IL16: variants seen among roughly 807,000 people sequenced by gnomAD.
IL16 encodes the protein pro-interleukin-16.
In IL16, 67 loss-of-function variants were observed where a neutral mutation model predicts 110.1. The observed-to-expected ratio is 0.61, with a 90% CI of 0.50 to 0.75. IL16 has a LOEUF of 0.75. Among genes scored for constraint, IL16 ranks in the 30% least tolerant of loss-of-function variants. IL16 has a pLI of 0.00. For synonymous variants in IL16, 689 were observed against 662.9 expected (o/e 1.04, Z -0.61); for missense variants, 1,545 against 1,655.0 (o/e 0.93, Z 1.15).
intron 12 of IL16, among the ~76,000 whole-genome samples, chr15:81,293,728 C>T (rs1045497211): frequency 2.0e-5 from 3 of 152,250 alleles, no homozygotes; most frequent in Non-Finnish European, 2.9e-5. Flanking sequence ...TTGCCATGAT[C>T]TTTCCCCATC....
chr15:81,295,321 A>G (rs1010702778), intron 12 of IL16: 15 of 1,111,974 alleles, frequency 1.3e-5, no homozygotes, highest in Admixed American at 4.3e-5. Flanking sequence ...GTAAAATCAA[A>G]TTTATTTCAG....
At chr15:81,308,131 G>A (rs1331221572) in intron 18 of IL16, among the ~76,000 whole-genome samples, 1 of 152,200 alleles carries the variant, frequency 6.6e-6, no homozygotes, top group Non-Finnish European at 1.5e-5. Context: ...AGGACTTCGT[G>A]CCAGAGGCAA....
intron 2 of IL16, 59 bp downstream of exon 2, chr15:81,225,770 TA>T (rs1302171703): frequency 3.7e-6 from 5 of 1,357,234 alleles, no homozygotes; most frequent in Admixed American, 5.3e-5. Context: ...TGCTGTGAAT[TA>T]AAGTCTTTGA....
intron 1 of IL16, among the ~76,000 whole-genome samples, chr15:81,202,734 T>C (rs909767180): frequency 2.0e-5 from 3 of 152,230 alleles, no homozygotes; most frequent in African/African-American, 7.2e-5. Context: ...TTGTTGGACA[T>C]TTAGGTTGGT....
chr15:81,198,544 G>T (rs1895682688), intron 1 of IL16, among the ~76,000 whole-genome samples: 2 of 152,036 alleles, frequency 1.3e-5, no homozygotes, highest in South Asian at 4.1e-4. Flanking sequence ...TTGTATTCAT[G>T]GAAACCTTTT....
Position 81,279,634 on chromosome 15 carries a change from C to CT in IL16, c.942dup (p.Pro315SerfsTer96). The CT allele has an allele frequency of 6.2e-7, 1 of 1,614,252 alleles. No homozygotes were observed. Among genetic ancestry groups the CT allele is most frequent in the African/African-American group, 1.3e-5 (1 of 75,078 alleles). The stretch of plus-strand genomic sequence containing the variant: ...CCTCCTTCCCTGTGCAGCCACCTGT[C>CT]TCCCCCACTGTGCCGCTCCCTGAGC... On this transcript the variant is annotated frameshift_variant, in exon 8 of 19. Coordinates refer to ENST00000683961, the MANE Select transcript of IL16 (RefSeq NM_172217.5). LOFTEE classifies it high-confidence loss of function.
chr15:81,271,034 C>A (rs1033781377), intron 5 of IL16, among the ~76,000 whole-genome samples: 1 of 152,066 alleles, frequency 6.6e-6, no homozygotes, highest in African/African-American at 2.4e-5. Context: ...AAAAGCAAAT[C>A]ACACAATAAA....
upstream of IL16, among the ~76,000 whole-genome samples, chr15:81,196,526 C>T (rs990676901): frequency 6.6e-6 from 1 of 152,198 alleles, no homozygotes; most frequent in South Asian, 2.1e-4. Flanking sequence ...ATTATAGGCA[C>T]GTGCCACAGC....
intron 11 of IL16, chr15:81,291,965 G>A (rs913633151): frequency 2.2e-6 from 1 of 456,104 alleles, no homozygotes; most frequent in East Asian, 6.9e-5. Context: ...CTGACTCTGA[G>A]ATGGAGTTTG....
chr15:81,292,569 G>A lies in IL16; in HGVS notation c.1434G>A (p.Leu478=). 3 of 1,605,912 alleles carry A rather than the reference G, an allele frequency of 1.9e-6. No individual in the cohort carries two copies. The highest frequency in any genetic ancestry group is 2.6e-6 in the Non-Finnish European group (3 of 1,173,496). Residue 478 remains leucine, a synonymous_variant, in exon 12 of 19, where the codon CTG becomes CTA. Coordinates refer to ENST00000683961, the MANE Select transcript of IL16 (RefSeq NM_172217.5). ...HQWSLEGVKR[L]ESSWHGRPTL... ...CTTCCCACACAGGTGTCAAAAGGCT[G>A]GAAAGCAGTTGGCACGGGCGGCCCA...
chr15:81,185,742 C>G (rs1402864145), intron 1 of IL16, among the ~76,000 whole-genome samples: 3 of 152,178 alleles, frequency 2.0e-5, no homozygotes, highest in Non-Finnish European at 4.4e-5. Flanking sequence ...GAGGCTGTAA[C>G]AGGGAACTGG....
rs145962380 is a variant in IL16, at chr15:81,218,178, G to T, written c.-101-7121G>T. On this transcript the variant is annotated intron_variant, in intron 1 of 18. Transcript: ENST00000683961. ...TGAGATCTGCAAGTTTGCAAGTTAT[G>T]AAGTAAATATACAAAAGTCACTTAT... is the stretch of plus-strand genomic sequence containing the variant. 1.1e-3 allele frequency among the ~76,000 whole-genome samples: 174 copies of T among 152,114 alleles called. 1 individual carries two copies. The highest frequency in any genetic ancestry group is 4.0e-3 in the African/African-American group (168 of 41,522).
At chr15:81,276,214 C>T (rs867194150) in intron 6 of IL16, among the ~76,000 whole-genome samples, 1 of 152,192 alleles carries the variant, frequency 6.6e-6, no homozygotes. Context: ...ACCTAACAGA[C>T]GGAACTGATC....
At chr15:81,264,677 A>G (rs2142210671) in intron 3 of IL16, among the ~76,000 whole-genome samples, 1 of 152,286 alleles carries the variant, frequency 6.6e-6, no homozygotes, top group African/African-American at 2.4e-5. Flanking sequence ...TCTAGAACGG[A>G]ACTGCCCAAC....
chr15:81,291,897 T>C, intron 11 of IL16: 1 of 456,084 alleles, frequency 2.2e-6, no homozygotes, highest in South Asian at 1.5e-5. Context: ...CCCCAGTGAC[T>C]TTAAAATTAT....
intron 2 of IL16, among the ~76,000 whole-genome samples, chr15:81,254,383 G>T (rs755379784): frequency 1.3e-5 from 2 of 152,182 alleles, no homozygotes; most frequent in African/African-American, 4.8e-5. Flanking sequence ...TCCATTCCTT[G>T]GTTGCATGAG....
Position 81,236,279 on chromosome 15 carries a change from A to C in IL16, c.312+10568A>C, listed in dbSNP as rs758242567. On this transcript the variant is annotated intron_variant, in intron 2 of 18. Transcript: ENST00000683961. The stretch of plus-strand genomic sequence containing the variant: ...GCTTTGGGGCCTGGGCCTTCTTGGC[A>C]AGTGGGAAACCCAATCTTTTGGCTG... Among the ~76,000 whole-genome samples the C allele has an allele frequency of 5.0e-4, 76 of 152,318 alleles. 1 individual carries two copies. The highest frequency in any genetic ancestry group is 6.5e-4 in the Admixed American group (10 of 15,306).
At position 81,311,980 on chromosome 15, in the gene IL16, G is replaced by GT. The variant is rs1900881336; in HGVS notation, c.*3183dup. 3.3e-5 allele frequency: 5 copies of GT among 152,246 alleles called. No individual in the cohort carries two copies. Among genetic ancestry groups the GT allele is most frequent in the Admixed American group, 2.6e-4 (4 of 15,282 alleles). 9.4% of individuals were successfully genotyped at this position (152,246 alleles called of 1,614,324 possible). On this transcript the variant is annotated 3_prime_UTR_variant, in exon 19 of 19. Coordinates refer to ENST00000683961, the MANE Select transcript of IL16 (RefSeq NM_172217.5). The stretch of plus-strand genomic sequence containing the variant: ...CACCCCAGGACTCAAAAATAGGGAA[G>GT]TAACAGTAACGCAGGGGAAACGTTT...
Position 81,279,581 on chromosome 15 carries a change from C to T in IL16, c.888C>T (p.Thr296=), listed in dbSNP as rs1185502617. Residue 296 remains threonine, a synonymous_variant, in exon 8 of 19, where the codon ACC becomes ACT. Coordinates refer to ENST00000683961, the MANE Select transcript of IL16 (RefSeq NM_172217.5). ...AGCAAGCCAAAAAGGGGCTCCTCAC[C>T]CTCACCGTGAGAACCCGCCTGACGG... ...KFKQAKKGLL[T]LTVRTRLTAP... The T allele has an allele frequency of 1.2e-6, 2 of 1,613,376 alleles. No individual in the cohort carries two copies. Among genetic ancestry groups the T allele is most frequent in the Non-Finnish European group, 1.7e-6 (2 of 1,179,990 alleles).
Sources: gnomAD v4.1 joint callset for allele counts (sites outside exome capture counted in the v4.1 genomes callset) on GRCh38, gnomAD v4.1.1 for gene constraint, MANE v1.5 for transcripts, NCBI Gene and HGNC (gene_info 2026-07-23, HGNC 2026-07-21) for gene names.